Variants in PACRG observed in about 807,000 individuals in gnomAD.
The protein encoded by PACRG is parkin coregulated gene protein.
Under a neutral mutation model 29.7 loss-of-function variants are expected in PACRG, and 29 were observed. The observed-to-expected ratio is 0.98, with a 90% CI of 0.73 to 1.33. PACRG has a LOEUF of 1.33. Ranked by LOEUF, PACRG falls within the 40% of genes most tolerant of loss-of-function variation. The pLI is 0.00. For missense variants in PACRG, 279 were observed against 316.2 expected, an observed-to-expected ratio of 0.88 and a Z score of 0.89; for synonymous variants, 116 against 118.7, an observed-to-expected ratio of 0.98 and a Z score of 0.15.
intron 4 of PACRG, among the ~76,000 whole-genome samples, chr6:163,269,801 G>A (rs11758611): frequency 0.34 from 29,987 of 87,670 alleles, 7,441 homozygotes; most frequent in African/African-American, 0.45. Context: ...AGAAAGGAAG[G>A]AAGGAAGGAA....
rs117652584 is a variant in PACRG at position 162,863,111 on chromosome 6, A to G, written c.291+48830A>G. Among the ~76,000 whole-genome samples, 38 of 152,328 alleles carry G rather than the reference A, an allele frequency of 2.5e-4. 2 individuals are homozygous for G. The East Asian group carries it at 7.3e-3, about 29-fold the overall frequency. ...CTGGGCTTCCACTCAAGGGCCCTGC[A>G]CACACTGCATCCACAGGCCCTGAGG... On this transcript the variant is annotated intron_variant, in intron 2 of 4. Coordinates refer to ENST00000366888, the MANE Select transcript of PACRG (RefSeq NM_001080379.2).
chr6:162,897,174 T>A (rs927496026), intron 2 of PACRG, among the ~76,000 whole-genome samples: 1 of 152,182 alleles, frequency 6.6e-6, no homozygotes, highest in Non-Finnish European at 1.5e-5. Context: ...TGAGAGAAAT[T>A]TGGAATTCCC....
chr6:163,275,907 A>G (rs1198529337), intron 4 of PACRG, among the ~76,000 whole-genome samples: 1 of 152,054 alleles, frequency 6.6e-6, no homozygotes, highest in Non-Finnish European at 1.5e-5. Context: ...TTCCTGCCAC[A>G]CTGGGACACT....
chr6:163,089,383 C>T lies in PACRG; in HGVS notation c.588C>T (p.Val196=), dbSNP rs757831253. The T allele has an allele frequency of 8.1e-6, 13 of 1,613,974 alleles. No individual in the cohort carries two copies. The highest frequency in any genetic ancestry group is 1.6e-4 in the Middle Eastern group (1 of 6,084). Reference sequence around the variant, plus strand: ...CTTATTACCGTCAAATCCTCCCTGTCCTGAACATCTTTAAGAATATGAATG... The same window carrying T: ...CTTATTACCGTCAAATCCTCCCTGTTCTGAACATCTTTAAGAATATGAATG... ...LVPYYRQILP[V]LNIFKNMNVN... is the part of the protein sequence containing the mutation. Residue 196 remains valine, a synonymous_variant, in exon 4 of 5, where the codon GTC becomes GTT. Transcript: ENST00000366888.
intron 4 of PACRG, among the ~76,000 whole-genome samples, chr6:163,274,070 G>A (rs1250032569): frequency 6.6e-6 from 1 of 151,840 alleles, no homozygotes; most frequent in African/African-American, 2.4e-5. Context: ...TAGGGTACAT[G>A]TGCACAACGT....
chr6:163,234,045 A>G (rs1782142442), intron 4 of PACRG, among the ~76,000 whole-genome samples: 1 of 152,202 alleles, frequency 6.6e-6, no homozygotes, highest in African/African-American at 2.4e-5. Context: ...AACTATCATC[A>G]TTAAAGGAAG....
chr6:163,177,984 G>C (rs998904470), intron 4 of PACRG, among the ~76,000 whole-genome samples: 1 of 152,128 alleles, frequency 6.6e-6, no homozygotes, highest in Non-Finnish European at 1.5e-5. Context: ...ACACTTAGAA[G>C]AGGCTCAAAC....
intron 4 of PACRG, chr6:163,182,898 G>A (rs2128354939): frequency 6.6e-6 from 1 of 152,354 alleles, no homozygotes; most frequent in Middle Eastern, 3.4e-3. Context: ...AAGATCGGGA[G>A]ATGAGTCAGT....
At chr6:163,206,551 G>T (rs1780910557) in intron 4 of PACRG, among the ~76,000 whole-genome samples, 1 of 152,132 alleles carries the variant, frequency 6.6e-6, no homozygotes, top group South Asian at 2.1e-4. Flanking sequence ...ATTACTTGAG[G>T]CTGGAGGCTG....
At chr6:163,033,989 C>A (rs765431198) in intron 2 of PACRG, among the ~76,000 whole-genome samples, 33 of 152,138 alleles carry the variant, frequency 2.2e-4, no homozygotes, top group Non-Finnish European at 3.8e-4. Flanking sequence ...TTAAGACTAG[C>A]CTCACAAATC....
intron 4 of PACRG, chr6:163,090,436 T>A (rs1813994488): frequency 6.6e-6 from 1 of 152,186 alleles, no homozygotes; most frequent in Non-Finnish European, 1.5e-5. Context: ...ATGCCTGTAA[T>A]GGAGTGCTTG....
At chr6:163,259,158 G>C (rs1481593592) in intron 4 of PACRG, among the ~76,000 whole-genome samples, 2 of 152,178 alleles carry the variant, frequency 1.3e-5, no homozygotes, top group Admixed American at 6.5e-5. Context: ...GACAGAACTT[G>C]AACTCAGGAG....
intron 2 of PACRG, among the ~76,000 whole-genome samples, chr6:162,890,392 G>GT (rs1231419808): frequency 6.6e-6 from 1 of 152,064 alleles, no homozygotes; most frequent in Non-Finnish European, 1.5e-5. Context: ...GAAATTTTCT[G>GT]TTTTTTTCTC....
chr6:162,915,845 G>A (rs888362721), intron 2 of PACRG, among the ~76,000 whole-genome samples: 1 of 152,048 alleles, frequency 6.6e-6, no homozygotes, highest in Non-Finnish European at 1.5e-5. Context: ...TTATTTTATA[G>A]TTGTGATATG....
At chr6:163,228,787 C>T (rs1781909844) in intron 4 of PACRG, among the ~76,000 whole-genome samples, 1 of 152,174 alleles carries the variant, frequency 6.6e-6, no homozygotes, top group South Asian at 2.1e-4. Flanking sequence ...AACATTTGGA[C>T]ACATCACATA....
intron 1 of PACRG, among the ~76,000 whole-genome samples, chr6:162,745,834 G>T (rs888011724): frequency 6.6e-6 from 1 of 152,020 alleles, no homozygotes; most frequent in Non-Finnish European, 1.5e-5. Context: ...TTGTGTATAT[G>T]GAAGAATCAT....
At chr6:163,115,401 T>C (rs1365412235) in intron 4 of PACRG, among the ~76,000 whole-genome samples, 1 of 152,158 alleles carries the variant, frequency 6.6e-6, no homozygotes, top group African/African-American at 2.4e-5. Flanking sequence ...AAGCTTGATA[T>C]GCTGTGTGGA....
chr6:162,785,507 T>C (rs1202853962), intron 1 of PACRG, among the ~76,000 whole-genome samples: 3 of 151,402 alleles, frequency 2.0e-5, no homozygotes, highest in Non-Finnish European at 2.9e-5. Context: ...AGATCAGTGG[T>C]CTGCAACCTA....
chr6:163,028,923 T>G (rs1350459458), intron 2 of PACRG, among the ~76,000 whole-genome samples: 1 of 152,194 alleles, frequency 6.6e-6, no homozygotes. Flanking sequence ...TCCTGGAGCC[T>G]GTGAACATGC....
Sources: gnomAD v4.1 joint callset for allele counts (sites outside exome capture counted in the v4.1 genomes callset) on GRCh38, gnomAD v4.1.1 for gene constraint, MANE v1.5 for transcripts, NCBI Gene and HGNC (gene_info 2026-07-23, HGNC 2026-07-21) for gene names.